DLGAP2: variants seen among roughly 807,000 people sequenced by gnomAD.
DLGAP2 encodes the protein disks large-associated protein 2.
DLGAP2 carries 26 observed loss-of-function variants against 100.3 expected under a neutral mutation model. The ratio of observed to expected loss-of-function variants is 0.26; its 90% confidence interval spans 0.19 to 0.36. The LOEUF (loss-of-function observed/expected upper bound fraction) is 0.36, where lower values mean the gene tolerates loss of function less well. Ranked by LOEUF, DLGAP2 falls within the 10% of genes least tolerant of loss-of-function variation. The pLI is 1.00. For missense variants in DLGAP2, 1,858 were observed against 1,453.2 expected (o/e 1.28, Z -4.53); for synonymous variants, 886 against 630.1 (o/e 1.41, Z -6.08).
At chr8:1,025,531 A>G (rs74748641) in intron 2 of DLGAP2, among the ~76,000 whole-genome samples, 2,460 of 152,306 alleles carry the variant, frequency 0.016, 77 homozygotes, top group African/African-American at 0.056. Context: ...AGTTAAGTCA[A>G]ATGTCTTTTT....
At chr8:1,263,443 A>G (rs1799390665) in intron 3 of DLGAP2, among the ~76,000 whole-genome samples, 1 of 152,208 alleles carries the variant, frequency 6.6e-6, no homozygotes, top group Admixed American at 6.5e-5. Context: ...GAAGACATAC[A>G]GAATCCTATA....
At chr8:1,268,974 G>C (rs1799524961) in intron 3 of DLGAP2, among the ~76,000 whole-genome samples, 1 of 152,206 alleles carries the variant, frequency 6.6e-6, no homozygotes, top group Non-Finnish European at 1.5e-5. Context: ...TCTGCAGGTA[G>C]CTCAGCCGTA....
chr8:1,277,886 A>G (rs921489887), intron 3 of DLGAP2, among the ~76,000 whole-genome samples: 1 of 152,260 alleles, frequency 6.6e-6, no homozygotes, highest in African/African-American at 2.4e-5. Context: ...CATGTCCGTG[A>G]CAATGCTGAC....
chr8:1,606,961 A>G (rs1321716205), intron 6 of DLGAP2, among the ~76,000 whole-genome samples: 2 of 152,222 alleles, frequency 1.3e-5, no homozygotes, highest in Non-Finnish European at 2.9e-5. Flanking sequence ...CTGGGATTAC[A>G]GGCGTGAGCC....
At chr8:1,155,524 C>T (rs1796766154) in intron 2 of DLGAP2, among the ~76,000 whole-genome samples, 1 of 150,592 alleles carries the variant, frequency 6.6e-6, no homozygotes, top group South Asian at 2.1e-4. Flanking sequence ...TGGCAGGAGG[C>T]TGTTGACGAC....
chr8:1,461,015 C>G (rs572011067), intron 3 of DLGAP2, among the ~76,000 whole-genome samples: 3 of 152,218 alleles, frequency 2.0e-5, no homozygotes, highest in South Asian at 2.1e-4. Context: ...ATCAGCAGCT[C>G]TCACGTGGGC....
intron 2 of DLGAP2, among the ~76,000 whole-genome samples, chr8:1,039,606 G>A: frequency 1.1e-5 from 1 of 88,828 alleles, no homozygotes; most frequent in South Asian, 4.4e-4. Context: ...AGCTTGGTGT[G>A]CGTGGTCAGC....
At chr8:790,152 T>C (rs1279250179) in intron 1 of DLGAP2, among the ~76,000 whole-genome samples, 1 of 151,580 alleles carries the variant, frequency 6.6e-6, no homozygotes, top group Non-Finnish European at 1.5e-5. Flanking sequence ...AGGGGAGGAG[T>C]TTGGATCTCA....
chr8:1,237,464 A>G lies in DLGAP2; in HGVS notation c.74-21387A>G, dbSNP rs1306483649. On this transcript the variant is annotated intron_variant, in intron 2 of 14. Coordinates refer to ENST00000637795, the MANE Select transcript of DLGAP2 (RefSeq NM_001346810.2). ...ATGGCGCCGTGTCTAGTTACCTCTC[A>G]CATGGTGCCGTGTCTAGTTCTCTCT... Among the ~76,000 whole-genome samples the G allele has an allele frequency of 2.1e-5, 3 of 142,736 alleles. No homozygotes were observed. The Admixed American group carries it at 2.1e-4, about 10-fold the overall frequency. 93.6% of individuals were successfully genotyped at this position (142,736 alleles called of 152,430 possible). A position where few individuals can be genotyped will look rare whatever the true frequency, so the allele number is the denominator to read the frequency against.
intron 6 of DLGAP2, among the ~76,000 whole-genome samples, chr8:1,588,625 G>T (rs577041996): frequency 1.3e-5 from 2 of 151,862 alleles, no homozygotes; most frequent in African/African-American, 4.8e-5. Context: ...TGTTTAACAG[G>T]GTGCTGTGGC....
intron 3 of DLGAP2, among the ~76,000 whole-genome samples, chr8:1,426,929 A>G (rs1309407609): frequency 2.0e-5 from 3 of 152,230 alleles, no homozygotes; most frequent in Non-Finnish European, 2.9e-5. Flanking sequence ...ACAGGATACA[A>G]GAAACAGCAG....
chr8:915,752 C>A (rs1385346075), intron 2 of DLGAP2, among the ~76,000 whole-genome samples: 3 of 152,128 alleles, frequency 2.0e-5, no homozygotes, highest in African/African-American at 7.2e-5. Context: ...CGTCAGTTCA[C>A]CCGTCTGTCC....
At chr8:906,484 A>C (rs1016525218) in intron 1 of DLGAP2, among the ~76,000 whole-genome samples, 56 of 152,228 alleles carry the variant, frequency 3.7e-4, no homozygotes, top group Admixed American at 2.0e-4. Context: ...GGAATGAGAC[A>C]GAGGGCAGAT....
At position 1,626,178 on chromosome 8, in the gene DLGAP2, T is replaced by C. The variant is rs74407716; in HGVS notation, c.1443-562T>C. Among the ~76,000 whole-genome samples, 55 of 110,304 alleles carry C rather than the reference T, an allele frequency of 5.0e-4. 3 individuals carry two copies. Among genetic ancestry groups the C allele is most frequent in the African/African-American group, 2.6e-3 (48 of 18,482 alleles). 72.4% of individuals were successfully genotyped at this position (110,304 alleles called of 152,430 possible). A position where few individuals can be genotyped will look rare whatever the true frequency, so the allele number is the denominator to read the frequency against. On this transcript the variant is annotated intron_variant, in intron 6 of 14. Transcript: ENST00000637795. Reference sequence around the variant, plus strand: ...GGTGTGGGTTGGACGGCTGTTCCCATCTCTACCCTGTGGCGGGTGCTCAGC... The same window carrying C: ...GGTGTGGGTTGGACGGCTGTTCCCACCTCTACCCTGTGGCGGGTGCTCAGC...
intron 3 of DLGAP2, among the ~76,000 whole-genome samples, chr8:1,495,498 G>A (rs1799519210): frequency 1.3e-5 from 2 of 152,230 alleles, no homozygotes; most frequent in Non-Finnish European, 2.9e-5. Flanking sequence ...CCGCCATCAT[G>A]AGGGGTCAGA....
At chr8:1,085,992 A>T (rs1430736980) in intron 2 of DLGAP2, among the ~76,000 whole-genome samples, 2 of 152,112 alleles carry the variant, frequency 1.3e-5, no homozygotes, top group Non-Finnish European at 2.9e-5. Context: ...GGTTAAATTT[A>T]TGCCTAAGTA....
intron 2 of DLGAP2, among the ~76,000 whole-genome samples, chr8:1,216,506 T>C (rs956119655): frequency 3.3e-5 from 5 of 151,928 alleles, no homozygotes; most frequent in Admixed American, 6.6e-5. Flanking sequence ...CTAATTTTTT[T>C]TTTCAATTTT....
intron 6 of DLGAP2, among the ~76,000 whole-genome samples, chr8:1,598,597 G>A (rs1033460478): frequency 6.6e-6 from 1 of 152,108 alleles, no homozygotes; most frequent in Non-Finnish European, 1.5e-5. Flanking sequence ...TCTTGGGAGG[G>A]TGTATGTTTC....
At chr8:1,225,117 A>C (rs1254002041) in intron 2 of DLGAP2, among the ~76,000 whole-genome samples, 1 of 152,184 alleles carries the variant, frequency 6.6e-6, no homozygotes, top group Non-Finnish European at 1.5e-5. Context: ...AGGTGCCCAA[A>C]CCAGTGCGGG....
Sources: allele counts gnomAD v4.1 joint callset (sites outside exome capture counted in the v4.1 genomes callset), GRCh38; gene constraint gnomAD v4.1.1; transcripts MANE v1.5; gene names NCBI Gene and HGNC (gene_info 2026-07-23, HGNC 2026-07-21).